The following HYAL4 variants were observed in gnomAD, a reference collection of about 807,000 sequenced individuals.
The protein encoded by HYAL4 is hyaluronidase 4.
A neutral mutation model predicts 35.2 loss-of-function variants in HYAL4; 37 were observed. The observed-to-expected ratio is 1.05, with a 90% CI of 0.81 to 1.38. The LOEUF is 1.38. Among genes scored for constraint, HYAL4 ranks in the 40% most tolerant of loss-of-function variants. HYAL4 has a pLI of 0.00. For synonymous variants in HYAL4, 198 were observed against 203.2 expected (o/e 0.97, Z 0.22); for missense variants, 572 against 572.4 (o/e 1.00, Z 0.01).
the HYAL4 span, among the ~76,000 whole-genome samples, chr7:123,796,434 A>G: frequency 1.3e-5 from 2 of 152,254 alleles, no homozygotes; most frequent in African/African-American, 2.4e-5. Flanking sequence ...TAAATCAACT[A>G]TATGAGATGC....
the HYAL4 span, among the ~76,000 whole-genome samples, chr7:123,773,946 G>A: frequency 6.6e-6 from 1 of 151,590 alleles, no homozygotes; most frequent in Non-Finnish European, 1.5e-5. Context: ...GTTATGCATG[G>A]CAGTCTGCTA....
the HYAL4 span, among the ~76,000 whole-genome samples, chr7:123,786,482 C>T: frequency 1.1e-4 from 16 of 151,996 alleles, no homozygotes; most frequent in Admixed American, 2.0e-4. Context: ...CAGGGAATTA[C>T]AATGACTCCT....
chr7:123,858,778 T>G (rs2116941683), intron 2 of HYAL4, among the ~76,000 whole-genome samples: 1 of 152,218 alleles, frequency 6.6e-6, no homozygotes, highest in East Asian at 1.9e-4. Flanking sequence ...GTTAAAACAA[T>G]AGAAATAAAA....
At chr7:123,782,293 T>C in the HYAL4 span, among the ~76,000 whole-genome samples, 1 of 152,192 alleles carries the variant, frequency 6.6e-6, no homozygotes, top group East Asian at 1.9e-4. Flanking sequence ...TTGTGTATTA[T>C]TCTTCCCCAA....
chr7:123,815,555 G>A, the HYAL4 span, among the ~76,000 whole-genome samples: 1 of 152,122 alleles, frequency 6.6e-6, no homozygotes, highest in Non-Finnish European at 1.5e-5. Flanking sequence ...TTATTGTCAA[G>A]GCATTAAAAC....
the HYAL4 span, among the ~76,000 whole-genome samples, chr7:123,776,632 T>C: frequency 1.3e-5 from 2 of 152,188 alleles, no homozygotes; most frequent in East Asian, 3.9e-4. Context: ...TGCAGTTGGC[T>C]GCTCCCGAAC....
chr7:123,796,272 A>G, the HYAL4 span, among the ~76,000 whole-genome samples: 1 of 152,234 alleles, frequency 6.6e-6, no homozygotes, highest in South Asian at 2.1e-4. Context: ...AGACCTGGCC[A>G]AACCTGAGAC....
At chr7:123,830,399 C>A (rs1449090796) in intron 1 of HYAL4, among the ~76,000 whole-genome samples, 2 of 152,094 alleles carry the variant, frequency 1.3e-5, no homozygotes, top group Non-Finnish European at 2.9e-5. Flanking sequence ...GCAAATAAAA[C>A]CTATCTTCTA....
upstream of HYAL4, among the ~76,000 whole-genome samples, chr7:123,827,000 T>A (rs530637115): frequency 6.6e-6 from 1 of 152,180 alleles, no homozygotes; most frequent in South Asian, 2.1e-4. Flanking sequence ...TTGGAGTATG[T>A]TAAGTTTGAA....
chr7:123,819,983 C>T, the HYAL4 span, among the ~76,000 whole-genome samples: 2 of 151,350 alleles, frequency 1.3e-5, no homozygotes, highest in Admixed American at 6.6e-5. Context: ...CTCTGCCTCC[C>T]AGGTACAAGT....
chr7:123,839,684 G>C (rs534887536), intron 1 of HYAL4, among the ~76,000 whole-genome samples: 3 of 152,160 alleles, frequency 2.0e-5, no homozygotes, highest in African/African-American at 7.2e-5. Context: ...ATTCTAACTG[G>C]TGTGAGATGG....
chr7:123,832,479 CTTTTTTTTTTTTTTTTTTTT>C (rs71163703), intron 1 of HYAL4, among the ~76,000 whole-genome samples: 18 of 21,846 alleles, frequency 8.2e-4, no homozygotes, highest in South Asian at 5.3e-3. Context: ...TTGTGTCATA[CTTTTTTTTTTTTTTTTTTTT>C]TTTTTTTTTT....
At chr7:123,848,471 A>G (rs1806222179) in intron 2 of HYAL4, among the ~76,000 whole-genome samples, 1 of 152,238 alleles carries the variant, frequency 6.6e-6, no homozygotes, top group African/African-American at 2.4e-5. Context: ...TTTCTTGTGC[A>G]CATAGTTTCT....
chr7:123,817,258 T>C, the HYAL4 span, among the ~76,000 whole-genome samples: 1 of 152,212 alleles, frequency 6.6e-6, no homozygotes, highest in Non-Finnish European at 1.5e-5. Context: ...CTTTATGAAC[T>C]GTAATCTATA....
At chr7:123,779,286 A>G in the HYAL4 span, among the ~76,000 whole-genome samples, 3 of 152,278 alleles carry the variant, frequency 2.0e-5, no homozygotes, top group Non-Finnish European at 2.9e-5. Context: ...GAAAAAGGTT[A>G]AGAACTATTG....
At chr7:123,824,609 T>C (rs1805774384), upstream of HYAL4, among the ~76,000 whole-genome samples, 1 of 152,026 alleles carries the variant, frequency 6.6e-6, no homozygotes, top group Admixed American at 6.6e-5. Context: ...ATGACACCAT[T>C]CTCTGCTTTG....
chr7:123,833,402 C>CT (rs1805913460), intron 1 of HYAL4, among the ~76,000 whole-genome samples: 1 of 42,788 alleles, frequency 2.3e-5, no homozygotes, highest in South Asian at 4.8e-4. Context: ...CTATTCATGT[C>CT]CTAGCCCACT....
the HYAL4 span, among the ~76,000 whole-genome samples, chr7:123,768,250 A>G: frequency 6.6e-6 from 1 of 152,230 alleles, no homozygotes; most frequent in Non-Finnish European, 1.5e-5. Context: ...ATTTACAATC[A>G]AATTGCCATT....
At chr7:123,866,127 C>T (rs1457866110) in intron 2 of HYAL4, among the ~76,000 whole-genome samples, 1 of 152,172 alleles carries the variant, frequency 6.6e-6, no homozygotes, top group Non-Finnish European at 1.5e-5. Flanking sequence ...GCTGGAGACA[C>T]AGCCAAACCA....
Sources: gnomAD v4.1 joint callset for allele counts (sites outside exome capture counted in the v4.1 genomes callset) on GRCh38, gnomAD v4.1.1 for gene constraint, MANE v1.5 for transcripts, NCBI Gene and HGNC (gene_info 2026-07-23, HGNC 2026-07-21) for gene names.